The following LARGE1 variants were observed in gnomAD, a reference collection of about 807,000 sequenced individuals.
The protein encoded by LARGE1 is xylosyl- and glucuronyltransferase LARGE1.
Under a neutral mutation model 87.6 loss-of-function variants are expected in LARGE1, and 43 were observed. That is an observed-to-expected ratio of 0.49 (90% CI 0.38 to 0.63). LARGE1 has a LOEUF of 0.63. Ranked by LOEUF, LARGE1 falls within the 30% of genes least tolerant of loss-of-function variation. The probability of loss-of-function intolerance (pLI) is 0.00; values close to 1 mark genes in which losing one functional copy is unlikely to be tolerated. For synonymous variants in LARGE1, 434 were observed against 394.6 expected, an observed-to-expected ratio of 1.10 and a Z score of -1.18; for missense variants, 802 against 1,000.2, an observed-to-expected ratio of 0.80 and a Z score of 2.67.
intron 5 of LARGE1, among the ~76,000 whole-genome samples, chr22:33,578,911 G>C (rs894795098): frequency 6.6e-6 from 1 of 152,042 alleles, no homozygotes; most frequent in African/African-American, 2.4e-5. Flanking sequence ...AGTTATAATA[G>C]AGTCATACAC....
At position 33,889,507 on chromosome 22, in the gene LARGE1, C is replaced by T. The variant is rs140561835; in HGVS notation, c.-83+30488G>A. ...CTTAAATAGACCCTTTATTCTTGGTCCCCTCTAAAGTCTAGCAGAGACATA... is the reference window on the plus strand; with the variant it reads ...CTTAAATAGACCCTTTATTCTTGGTTCCCTCTAAAGTCTAGCAGAGACATA... On this transcript the variant is annotated intron_variant, in intron 1 of 14. Transcript: ENST00000397394. Among the ~76,000 whole-genome samples the T allele has an allele frequency of 9.9e-3, 1,512 of 152,250 alleles. 16 individuals are homozygous for T. Among genetic ancestry groups the T allele is most frequent in the South Asian group, 0.043 (205 of 4,808 alleles).
intron 6 of LARGE1, among the ~76,000 whole-genome samples, chr22:33,473,089 G>A (rs1016539953): frequency 3.3e-5 from 5 of 152,064 alleles, no homozygotes; most frequent in African/African-American, 1.2e-4. Context: ...GAGGATGAGC[G>A]AGCCACTCTA....
chr22:33,068,901 G>A, the LARGE1 span, among the ~76,000 whole-genome samples: 2 of 152,168 alleles, frequency 1.3e-5, no homozygotes. Flanking sequence ...TCTCTGGGTG[G>A]ACTCAGGGCT....
intron 11 of LARGE1, among the ~76,000 whole-genome samples, chr22:33,235,438 G>A (rs1032081345): frequency 5.3e-5 from 8 of 152,218 alleles, no homozygotes; most frequent in Admixed American, 1.3e-4. Context: ...GGAAGAGTTA[G>A]TTCCAAGGCC....
chr22:33,471,057 T>TCG lies in LARGE1; in HGVS notation c.788-38794_788-38793dup, dbSNP rs142480435. Reference sequence around the variant, plus strand: ...TTTTTTTTTTTTTTTTGAGAGAGTCTCGCTTTGACTCCTAGGCTGGAGTAA... The same window carrying TCG: ...TTTTTTTTTTTTTTTTGAGAGAGTCTCGCGCTTTGACTCCTAGGCTGGAGTAA... On this transcript the variant is annotated intron_variant, in intron 6 of 14. Transcript: ENST00000397394. Among the ~76,000 whole-genome samples the TCG allele has an allele frequency of 4.7e-3, 698 of 147,056 alleles. 6 individuals are homozygous for TCG. Among genetic ancestry groups the TCG allele is most frequent in the African/African-American group, 0.015 (604 of 39,804 alleles).
intron 4 of LARGE1, among the ~76,000 whole-genome samples, chr22:33,608,780 G>C (rs577500482): frequency 2.0e-5 from 3 of 152,114 alleles, no homozygotes; most frequent in East Asian, 1.9e-4. Flanking sequence ...TTGGCATCCC[G>C]GCTGCAGTAC....
chr22:33,171,685 A>C (rs762531252), intron 11 of LARGE1, among the ~76,000 whole-genome samples: 1 of 152,206 alleles, frequency 6.6e-6, no homozygotes, highest in Non-Finnish European at 1.5e-5. Flanking sequence ...TGCGCAGAAG[A>C]TAAGAGCTGA....
chr22:33,870,428 T>C (rs187585810), intron 1 of LARGE1, among the ~76,000 whole-genome samples: 43 of 152,336 alleles, frequency 2.8e-4, no homozygotes, highest in African/African-American at 9.6e-4. Context: ...GTTTTACACA[T>C]GAAGTCACTA....
intron 11 of LARGE1, among the ~76,000 whole-genome samples, chr22:33,223,168 T>C (rs753752874): frequency 2.6e-5 from 4 of 152,240 alleles, no homozygotes; most frequent in African/African-American, 7.2e-5. Flanking sequence ...TTCATCTCTA[T>C]CTGCCTGATT....
intron 1 of LARGE1, among the ~76,000 whole-genome samples, chr22:33,808,032 T>A (rs1262921915): frequency 6.6e-6 from 1 of 152,224 alleles, no homozygotes; most frequent in African/African-American, 2.4e-5. Context: ...GTTGTGAGAT[T>A]CTGGGTTGTA....
intron 11 of LARGE1, among the ~76,000 whole-genome samples, chr22:33,194,778 C>T (rs1923978755): frequency 6.6e-6 from 1 of 152,132 alleles, no homozygotes; most frequent in African/African-American, 2.4e-5. Context: ...CTTCCATATT[C>T]CAACTGCGTA....
intron 11 of LARGE1, among the ~76,000 whole-genome samples, chr22:33,308,267 G>A (rs941212449): frequency 2.0e-5 from 3 of 152,170 alleles, no homozygotes; most frequent in Non-Finnish European, 1.5e-5. Flanking sequence ...CTCAGTGTCT[G>A]CTGGGATGGG....
chr22:33,120,510 T>A, the LARGE1 span, among the ~76,000 whole-genome samples: 4 of 151,334 alleles, frequency 2.6e-5, no homozygotes, highest in Non-Finnish European at 5.9e-5. Context: ...TCTTTCTTTC[T>A]TTCTTTGAGA....
intron 5 of LARGE1, among the ~76,000 whole-genome samples, chr22:33,595,965 TAG>T (rs1230975524): frequency 6.6e-6 from 1 of 152,214 alleles, no homozygotes; most frequent in Admixed American, 6.5e-5. Flanking sequence ...ATATTTCTAA[TAG>T]AGTTTCTAAA....
chr22:33,789,473 C>G (rs1028688745), intron 1 of LARGE1, among the ~76,000 whole-genome samples: 2 of 152,192 alleles, frequency 1.3e-5, no homozygotes, highest in Non-Finnish European at 2.9e-5. Context: ...GGGGCACTGC[C>G]TAGTGGAGCT....
chr22:33,303,835 G>C (rs1934499875), intron 12 of LARGE1, among the ~76,000 whole-genome samples: 1 of 151,794 alleles, frequency 6.6e-6, no homozygotes, highest in African/African-American at 2.4e-5. Flanking sequence ...ATGTTGGCCA[G>C]GATGGTCTCG....
chr22:33,251,256 C>G (rs1926998362), intron 11 of LARGE1, among the ~76,000 whole-genome samples: 5 of 152,190 alleles, frequency 3.3e-5, no homozygotes, highest in Admixed American at 1.3e-4. Context: ...CATTCTGGAG[C>G]TCATTGTTAA....
intron 6 of LARGE1, among the ~76,000 whole-genome samples, chr22:33,456,320 C>G (rs984927233): frequency 6.6e-6 from 1 of 152,170 alleles, no homozygotes; most frequent in Non-Finnish European, 1.5e-5. Context: ...CGAGAATCTT[C>G]CACAGGATCT....
At chr22:33,379,551 C>T (rs1385363669) in intron 9 of LARGE1, among the ~76,000 whole-genome samples, 1 of 152,122 alleles carries the variant, frequency 6.6e-6, no homozygotes, top group African/African-American at 2.4e-5. Flanking sequence ...TTGGAACCAA[C>T]CCAAATGTCC....
Sources: gnomAD v4.1 joint callset for allele counts (sites outside exome capture counted in the v4.1 genomes callset) on GRCh38, gnomAD v4.1.1 for gene constraint, MANE v1.5 for transcripts, NCBI Gene and HGNC (gene_info 2026-07-23, HGNC 2026-07-21) for gene names.